The following TMEM132C variants were observed in gnomAD, a reference collection of about 807,000 sequenced individuals.
TMEM132C encodes protein phosphatase 1, regulatory subunit 152.
In TMEM132C, 29 loss-of-function variants were observed where a neutral mutation model predicts 61.4. The observed-to-expected ratio is 0.47, with a 90% CI of 0.35 to 0.64. The LOEUF is 0.64. Among genes scored for constraint, TMEM132C ranks in the 30% least tolerant of loss-of-function variants. The pLI, the probability that TMEM132C is intolerant of heterozygous loss-of-function variation, is 0.00. For synonymous variants in TMEM132C, 656 were observed against 633.1 expected (o/e 1.04, Z -0.54); for missense variants, 1,408 against 1,476.9 (o/e 0.95, Z 0.76).
In TMEM132C at chr12:128,631,756, A is replaced by AT. The variant is rs113491508; in HGVS notation, c.1305+15429dup. 7.5e-3 allele frequency among the ~76,000 whole-genome samples: 1,138 copies of AT among 151,868 alleles called. 13 individuals carry two copies. The highest frequency in any genetic ancestry group is 0.049 in the East Asian group (252 of 5,154). On this transcript the variant is annotated intron_variant, in intron 4 of 8. Transcript: ENST00000435159. ...TCAGCTCTGCTTTTTCTGTCTGTGG[A>AT]TTTTTTTTCTCAGGCATAGTTTCCC...
chr12:128,343,115 G>GGTGCATCC (rs1873031412), intron 1 of TMEM132C, among the ~76,000 whole-genome samples: 1 of 152,130 alleles, frequency 6.6e-6, no homozygotes. Context: ...AGTCTGTGCA[G>GGTGCATCC]GTGCATCCGG....
At chr12:128,277,295 C>A (rs1025571215) in intron 1 of TMEM132C, among the ~76,000 whole-genome samples, 1 of 152,190 alleles carries the variant, frequency 6.6e-6, no homozygotes, top group African/African-American at 2.4e-5. Flanking sequence ...CAAGTGATGT[C>A]ATTGGACAGT....
Position 128,377,153 on chromosome 12 carries a change from C to G in TMEM132C, c.86-37579C>G, listed in dbSNP as rs1184974302. Among the ~76,000 whole-genome samples the G allele has an allele frequency of 1.3e-5, 2 of 151,740 alleles. 1 individual carries two copies. Among genetic ancestry groups the G allele is most frequent in the Non-Finnish European group, 2.9e-5 (2 of 67,996 alleles). Reference sequence around the variant, plus strand: ...CACTGCAACCTCTGCCTTCCAGGTTCAAGCGATTCTCCTGCCTCAGACTCC... The same window carrying G: ...CACTGCAACCTCTGCCTTCCAGGTTGAAGCGATTCTCCTGCCTCAGACTCC... On this transcript the variant is annotated intron_variant, in intron 1 of 8. Transcript: ENST00000435159.
intron 2 of TMEM132C, among the ~76,000 whole-genome samples, chr12:128,484,073 C>T (rs1266688959): frequency 2.0e-5 from 3 of 152,110 alleles, no homozygotes; most frequent in Non-Finnish European, 4.4e-5. Context: ...GCATTTGCAC[C>T]ATGGAAACTA....
At chr12:128,281,475 C>A (rs1870894492) in intron 1 of TMEM132C, among the ~76,000 whole-genome samples, 1 of 152,198 alleles carries the variant, frequency 6.6e-6, no homozygotes, top group South Asian at 2.1e-4. Context: ...GTCACTGGGG[C>A]TAGTAAAATG....
chr12:128,356,075 CAT>C (rs748074988), intron 1 of TMEM132C, among the ~76,000 whole-genome samples: 3 of 152,228 alleles, frequency 2.0e-5, no homozygotes, highest in South Asian at 2.1e-4. Context: ...GCTCACCAAA[CAT>C]GTGTCCAAGG....
At chr12:128,385,935 T>G (rs1874565792) in intron 1 of TMEM132C, among the ~76,000 whole-genome samples, 1 of 152,026 alleles carries the variant, frequency 6.6e-6, no homozygotes, top group Non-Finnish European at 1.5e-5. Context: ...TACTCTGAAC[T>G]TGGGGTGAAG....
intron 3 of TMEM132C, among the ~76,000 whole-genome samples, chr12:128,612,138 G>A (rs1372006147): frequency 6.6e-6 from 1 of 152,180 alleles, no homozygotes; most frequent in African/African-American, 2.4e-5. Context: ...TGAATCCTAA[G>A]GCCTCCCGGG....
rs557006221 is a variant in TMEM132C at position 128,517,041 on chromosome 12, G to C, written c.975-26916G>C. ...ATTTGAAACCAGCCTGGCCAACACA[G>C]TGACACCTGTCTCTGCTAAAAATAC... On this transcript the variant is annotated intron_variant, in intron 2 of 8. Coordinates refer to ENST00000435159, the MANE Select transcript of TMEM132C (RefSeq NM_001136103.3). 3.1e-3 allele frequency among the ~76,000 whole-genome samples: 455 copies of C among 148,528 alleles called. 2 individuals carry two copies. The highest frequency in any genetic ancestry group is 5.5e-3 in the Non-Finnish European group (369 of 67,382).
rs1240284158 is a variant in TMEM132C at position 128,622,356 on chromosome 12, AAAAAATATATATATATATATAT to A, written c.1305+6023_1305+6044del. Among the ~76,000 whole-genome samples, 86 of 59,214 alleles carry A rather than the reference AAAAAATATATATATATATATAT, an allele frequency of 1.5e-3. 3 individuals carry two copies. Among genetic ancestry groups the A allele is most frequent in the African/African-American group, 6.0e-3 (71 of 11,810 alleles). 38.8% of individuals were successfully genotyped at this position (59,214 alleles called of 152,430 possible). On this transcript the variant is annotated intron_variant, in intron 4 of 8. Transcript: ENST00000435159. ...GAGACTTTGTCTCAAAAAAAAAAAA[AAAAAATATATATATATATATAT>A]ATATATATATATATATATATATAAC...
chr12:128,432,358 A>G (rs1387534637), intron 2 of TMEM132C, among the ~76,000 whole-genome samples: 1 of 152,228 alleles, frequency 6.6e-6, no homozygotes, highest in Non-Finnish European at 1.5e-5. Context: ...CCCCTGAGGA[A>G]TCTAAGCAAA....
chr12:128,598,351 G>A (rs1028629032), intron 3 of TMEM132C, among the ~76,000 whole-genome samples: 8 of 152,090 alleles, frequency 5.3e-5, no homozygotes, highest in Non-Finnish European at 8.8e-5. Flanking sequence ...CAGGAGAATC[G>A]CTTGAACCTG....
intron 2 of TMEM132C, among the ~76,000 whole-genome samples, chr12:128,471,676 C>G (rs1213002334): frequency 1.3e-5 from 2 of 152,094 alleles, no homozygotes. Context: ...TTAATACTTC[C>G]TGGCTGTGTG....
intron 2 of TMEM132C, among the ~76,000 whole-genome samples, chr12:128,455,687 T>C (rs943378501): frequency 2.6e-5 from 4 of 152,196 alleles, no homozygotes; most frequent in Admixed American, 6.5e-5. Flanking sequence ...TAAGTAAACA[T>C]GACATCCATT....
chr12:128,621,633 T>C (rs527280031), intron 4 of TMEM132C, among the ~76,000 whole-genome samples: 9 of 152,322 alleles, frequency 5.9e-5, no homozygotes, highest in Non-Finnish European at 1.3e-4. Context: ...TCATCCTCCA[T>C]CCGTGGTACT....
In TMEM132C at chr12:128,267,450, G is replaced by A; in HGVS notation, c.48G>A (p.Gly16=). 1 of 1,266,210 alleles carries A rather than the reference G, an allele frequency of 7.9e-7. No homozygotes were observed. Among genetic ancestry groups the A allele is most frequent in the African/African-American group, 1.6e-5 (1 of 64,350 alleles). 78.4% of individuals were successfully genotyped at this position (1,266,210 alleles called of 1,614,324 possible). A position where few individuals can be genotyped will look rare whatever the true frequency, so the allele number is the denominator to read the frequency against. The change falls in exon 1 of 9, where the codon GGG becomes GGA. Residue 16 remains glycine (G), a synonymous_variant. Transcript: ENST00000435159. ...CCGGGCCGGCGGCGCCGCTGTGCGG[G>A]GCGCTGAGCCTGCTGCTGGGCGCGC... ...AAPGPAAPLC[G]ALSLLLGALL...
Position 128,309,974 on chromosome 12 carries a change from G to T in TMEM132C, c.85+42487G>T, listed in dbSNP as rs930140838. Among the ~76,000 whole-genome samples, 2 of 152,138 alleles carry T rather than the reference G, an allele frequency of 1.3e-5. 1 individual carries two copies. Among genetic ancestry groups the T allele is most frequent in the African/African-American group, 4.8e-5 (2 of 41,434 alleles). ...TGGTCTCAAACTCCTGACCTCACGT[G>T]ATCCTCCCACCTTGGCCTCCCAAAG... On this transcript the variant is annotated intron_variant, in intron 1 of 8. Transcript: ENST00000435159.
chr12:128,399,834 G>C (rs959393800), intron 1 of TMEM132C: 4 of 151,968 alleles, frequency 2.6e-5, no homozygotes, highest in African/African-American at 9.7e-5. Flanking sequence ...GTTTAATAGA[G>C]AGGCAGTGTT....
Position 128,705,446 on chromosome 12 carries a change from G to A in TMEM132C, c.2478G>A (p.Gln826=). The change falls in exon 9 of 9, where the codon CAG becomes CAA. Residue 826 remains glutamine (Q), a synonymous_variant. Coordinates refer to ENST00000435159, the MANE Select transcript of TMEM132C (RefSeq NM_001136103.3). ...AGAACCACGCCAGCGACCGCCGGCAGAAGGGCCAGCACCATGAGCGCACAG... is the reference window on the plus strand; with the variant it reads ...AGAACCACGCCAGCGACCGCCGGCAAAAGGGCCAGCACCATGAGCGCACAG... ...EIKNHASDRR[Q]KGQHHERTGQ... is the part of the protein sequence containing the mutation. 1.3e-6 allele frequency: 2 copies of A among 1,551,146 alleles called. No homozygotes were observed. Among genetic ancestry groups the A allele is most frequent in the Non-Finnish European group, 1.7e-6 (2 of 1,146,976 alleles).
Sources: allele counts gnomAD v4.1 joint callset (sites outside exome capture counted in the v4.1 genomes callset), GRCh38; gene constraint gnomAD v4.1.1; transcripts MANE v1.5; gene names NCBI Gene and HGNC (gene_info 2026-07-23, HGNC 2026-07-21).